CCDC178: variants seen among roughly 807,000 people sequenced by gnomAD.
CCDC178 encodes coiled-coil domain-containing protein 178.
In CCDC178, 126 loss-of-function variants were observed where a neutral mutation model predicts 117.4. The ratio of observed to expected loss-of-function variants is 1.07; its 90% CI spans 0.93 to 1.24. The LOEUF (loss-of-function observed/expected upper bound fraction) is 1.24, where lower values mean the gene tolerates loss of function less well. CCDC178 is among the 50% of genes most tolerant of loss of function. The pLI is 0.00. For missense variants in CCDC178, 1,030 were observed against 986.9 expected (o/e 1.04, Z -0.59); for synonymous variants, 283 against 313.4 (o/e 0.90, Z 1.02).
At chr18:33,253,481 A>G (rs73417979) in intron 14 of CCDC178, among the ~76,000 whole-genome samples, 85 of 151,972 alleles carry the variant, frequency 5.6e-4, no homozygotes, top group African/African-American at 2.0e-3. Context: ...TAACCATTAA[A>G]TTATGTTTGG....
At chr18:33,328,751 G>A (rs28799583) in intron 10 of CCDC178, among the ~76,000 whole-genome samples, 50 of 152,150 alleles carry the variant, frequency 3.3e-4, no homozygotes, top group African/African-American at 1.2e-3. Context: ...TCTCCAATGT[G>A]GTCTTCTTTA....
chr18:33,012,213 T>C (rs1483115851), intron 21 of CCDC178, among the ~76,000 whole-genome samples: 2 of 152,352 alleles, frequency 1.3e-5, no homozygotes, highest in Admixed American at 6.5e-5. Flanking sequence ...CAAAACATTA[T>C]ATTATTTTCC....
At chr18:33,068,575 A>C (rs2057058385) in intron 21 of CCDC178, among the ~76,000 whole-genome samples, 1 of 151,572 alleles carries the variant, frequency 6.6e-6, no homozygotes, top group Non-Finnish European at 1.5e-5. Flanking sequence ...AAACCATATA[A>C]TCATCTCAAT....
Position 32,938,060 on chromosome 18 carries a change from A to G in CCDC178, c.2555T>C (p.Leu852Ser), listed in dbSNP as rs766278890. Reference protein sequence around the residue: ...EESSNLMQHILGFFQTLTDGT... With the variant: ...EESSNLMQHISGFFQTLTDGT... ...ATCTGTCAAAGTCTGGAAGAAACCT[A>G]AGATGTGTTGCATTAAATTTGAAGA... is the stretch of plus-strand genomic sequence containing the variant. Residue 852 changes from leucine (L) to serine (S), a missense_variant, in exon 23 of 23, where the codon TTA becomes TCA. Leu to Ser is a moderately radical substitution (Grantham distance 145). Transcript: ENST00000383096. The G allele has an allele frequency of 1.6e-5, 26 of 1,613,692 alleles. No homozygotes were observed. Among genetic ancestry groups the G allele is most frequent in the South Asian group, 3.3e-5 (3 of 91,078 alleles).
intron 20 of CCDC178, among the ~76,000 whole-genome samples, chr18:33,184,229 A>C (rs1403694238): frequency 6.6e-6 from 1 of 152,234 alleles, no homozygotes; most frequent in East Asian, 1.9e-4. Context: ...TCTTGTTCAT[A>C]GTATATAACA....
intron 22 of CCDC178, among the ~76,000 whole-genome samples, chr18:32,942,486 GT>G (rs1045748990): frequency 3.3e-5 from 5 of 151,994 alleles, no homozygotes; most frequent in East Asian, 3.9e-4. Context: ...TTCATGGAAA[GT>G]TTTTTTCCCC....
intron 10 of CCDC178, among the ~76,000 whole-genome samples, chr18:33,327,730 C>T (rs2062604251): frequency 6.6e-6 from 1 of 151,928 alleles, no homozygotes; most frequent in Admixed American, 6.6e-5. Flanking sequence ...CATGTGTTTG[C>T]TGCCCATTTG....
intron 11 of CCDC178, among the ~76,000 whole-genome samples, chr18:33,295,056 G>C (rs2062090288): frequency 6.6e-6 from 1 of 152,136 alleles, no homozygotes; most frequent in African/African-American, 2.4e-5. Context: ...TCTACCTGTT[G>C]TTAGGAATTA....
At chr18:33,120,441 C>T (rs1043759840) in intron 20 of CCDC178, among the ~76,000 whole-genome samples, 2 of 151,936 alleles carry the variant, frequency 1.3e-5, no homozygotes, top group African/African-American at 4.8e-5. Context: ...CTTATTACTC[C>T]CATCTTCTAT....
intron 20 of CCDC178, among the ~76,000 whole-genome samples, chr18:33,203,835 T>C (rs1287173635): frequency 1.3e-5 from 2 of 152,254 alleles, no homozygotes; most frequent in African/African-American, 4.8e-5. Flanking sequence ...CATATAGGCA[T>C]GCTGCCAACT....
intron 20 of CCDC178, among the ~76,000 whole-genome samples, chr18:33,103,001 T>C (rs113016015): frequency 3.8e-4 from 57 of 151,954 alleles, no homozygotes; most frequent in African/African-American, 1.3e-3. Flanking sequence ...TGTTCCTTTA[T>C]AGACAAACAT....
At chr18:33,263,695 G>A (rs777737435) in intron 14 of CCDC178, among the ~76,000 whole-genome samples, 14 of 152,028 alleles carry the variant, frequency 9.2e-5, no homozygotes, top group Admixed American at 3.3e-4. Flanking sequence ...TAGAGAAGAC[G>A]TTACTACTCT....
chr18:33,273,477 T>A (rs1727119085), intron 12 of CCDC178, among the ~76,000 whole-genome samples: 1 of 151,574 alleles, frequency 6.6e-6, no homozygotes, highest in African/African-American at 2.4e-5. Flanking sequence ...TTTACAAAAC[T>A]CCAGTAATCA....
intron 21 of CCDC178, among the ~76,000 whole-genome samples, chr18:33,021,742 A>C (rs2056122619): frequency 6.7e-6 from 1 of 150,202 alleles, no homozygotes; most frequent in Non-Finnish European, 1.5e-5. Flanking sequence ...CCAGTGACTG[A>C]CATTTCTCAG....
intron 21 of CCDC178, 108 bp downstream of exon 21, chr18:33,092,653 T>G: frequency 1.6e-6 from 1 of 631,382 alleles, no homozygotes. Context: ...ATAGGCCATG[T>G]TGTGGATATC....
chr18:33,354,692 C>A (rs567614271), intron 7 of CCDC178, among the ~76,000 whole-genome samples: 13 of 151,612 alleles, frequency 8.6e-5, no homozygotes, highest in African/African-American at 3.1e-4. Flanking sequence ...CTCACTGCAA[C>A]CTCCACCTCC....
At chr18:33,085,529 C>G (rs964598274) in intron 21 of CCDC178, among the ~76,000 whole-genome samples, 2 of 152,092 alleles carry the variant, frequency 1.3e-5, no homozygotes, top group Non-Finnish European at 2.9e-5. Flanking sequence ...CGCCACTGCA[C>G]TCCAGCCTGG....
chr18:33,322,628 C>T (rs2062528137), intron 11 of CCDC178, among the ~76,000 whole-genome samples: 1 of 151,158 alleles, frequency 6.6e-6, no homozygotes, highest in Admixed American at 6.6e-5. Flanking sequence ...ACCCATGGGT[C>T]AAAGAAGAAA....
rs978473361 is a variant in CCDC178, at chr18:33,170,545, G to T, written c.2238+41351C>A. On this transcript the variant is annotated intron_variant, in intron 20 of 22. Transcript: ENST00000383096. ...GTTATATATACAGCATAAATATAAT[G>T]ATATCAGCCGTGGGGTAAATCCTAT... is the stretch of plus-strand genomic sequence containing the variant. 6.6e-5 allele frequency among the ~76,000 whole-genome samples: 10 copies of T among 152,126 alleles called. No homozygotes were observed. The Middle Eastern group carries it at 0.01, about 156-fold the overall frequency.
Sources: gnomAD v4.1 joint callset for allele counts (sites outside exome capture counted in the v4.1 genomes callset) on GRCh38, gnomAD v4.1.1 for gene constraint, MANE v1.5 for transcripts, NCBI Gene and HGNC (gene_info 2026-07-23, HGNC 2026-07-21) for gene names.